MTMR10: variants seen among roughly 807,000 people sequenced by gnomAD.
MTMR10 encodes myotubularin related protein 10.
MTMR10 carries 56 observed loss-of-function variants against 88.1 expected under a neutral mutation model. The ratio of observed to expected loss-of-function variants is 0.64; its 90% CI spans 0.51 to 0.79. The LOEUF (loss-of-function observed/expected upper bound fraction) is 0.79. Ranked by LOEUF, MTMR10 falls within the 30% of genes least tolerant of loss-of-function variation. The pLI is 0.00. For missense variants in MTMR10, 883 were observed against 924.7 expected, an observed-to-expected ratio of 0.95 and a Z score of 0.58; for synonymous variants, 380 against 340.9, an observed-to-expected ratio of 1.11 and a Z score of -1.26.
chr15:30,984,607 T>C (rs1368348372), intron 2 of MTMR10, among the ~76,000 whole-genome samples: 2 of 152,098 alleles, frequency 1.3e-5, no homozygotes, highest in Non-Finnish European at 2.9e-5. Context: ...AGTGAGCTTG[T>C]AAAAAATAAA....
At chr15:30,987,971 T>C (rs1444478349) in intron 2 of MTMR10, among the ~76,000 whole-genome samples, 2 of 151,736 alleles carry the variant, frequency 1.3e-5, no homozygotes, top group African/African-American at 2.4e-5. Context: ...ACAGGTGATG[T>C]GGCCAGGTTT....
the MTMR10 span, among the ~76,000 whole-genome samples, chr15:30,932,798 C>T: frequency 4.5e-3 from 672 of 149,078 alleles, 5 homozygotes; most frequent in African/African-American, 0.015. Context: ...CTGCAACTTC[C>T]GCCTCCTGGG....
At position 30,954,904 on chromosome 15, in the gene MTMR10, C is replaced by G. The variant is rs761921668; in HGVS notation, c.936-11G>C. ...ATTGCATTACAAATCCTAATAAAGACAAAAATACTTTAGTCATTACTCATT... is the reference window on the plus strand; with the variant it reads ...ATTGCATTACAAATCCTAATAAAGAGAAAAATACTTTAGTCATTACTCATT... On this transcript the variant is annotated splice_polypyrimidine_tract_variant and intron_variant, in intron 9 of 15. Transcript: ENST00000435680. 1.2e-5 allele frequency: 19 copies of G among 1,533,846 alleles called. No individual in the cohort carries two copies. In the Admixed American group the frequency reaches 2.5e-4, roughly 20 times the overall value.
intron 7 of MTMR10, among the ~76,000 whole-genome samples, chr15:30,959,844 A>G (rs2063377458): frequency 6.6e-6 from 1 of 152,246 alleles, no homozygotes. Flanking sequence ...ATGTGCGTGA[A>G]CTAATGAGGA....
intron 15 of MTMR10, 116 bp from the exon 16 acceptor site, chr15:30,942,188 G>GT (rs1222315853): frequency 1.6e-6 from 2 of 1,282,576 alleles, no homozygotes; most frequent in East Asian, 4.6e-5. Flanking sequence ...CAGCCTCAAA[G>GT]AACATTTTCC....
chr15:30,925,353 G>T, the MTMR10 span: 1 of 1,476,472 alleles, frequency 6.8e-7, no homozygotes, highest in East Asian at 2.3e-5. Flanking sequence ...TTTTGGACCA[G>T]AAGCATCCTA....
chr15:30,976,686 T>C, intron 3 of MTMR10, 133 bp downstream of exon 3: 2 of 1,030,736 alleles, frequency 1.9e-6, no homozygotes, highest in Non-Finnish European at 2.7e-6. Flanking sequence ...TAAATCTTAA[T>C]ATAATTTATC....
At chr15:30,923,425 AG>A in the MTMR10 span, among the ~76,000 whole-genome samples, 1 of 152,176 alleles carries the variant, frequency 6.6e-6, no homozygotes, top group Non-Finnish European at 1.5e-5. Context: ...CAGTTCTGCT[AG>A]GGGGTAGACA....
chr15:30,970,524 G>GCTACA (rs2063525048), intron 5 of MTMR10, among the ~76,000 whole-genome samples: 1 of 152,048 alleles, frequency 6.6e-6, no homozygotes, highest in Non-Finnish European at 1.5e-5. Context: ...TCCAACAGTG[G>GCTACA]CTACACTAAT....
Position 30,974,475 on chromosome 15 carries a change from T to A in MTMR10, c.332-19A>T. ...TCGTTTACTAAAAAAGAAAAAAAAA[T>A]AGAGAAAATAAAATGCGTAACAGTT... On this transcript the variant is annotated intron_variant, in intron 4 of 15. Coordinates refer to ENST00000435680, the MANE Select transcript of MTMR10 (RefSeq NM_017762.3). 3 of 1,497,354 alleles carry A rather than the reference T, an allele frequency of 2.0e-6. No homozygotes were observed. The allele number at this position is 1,497,354 out of a possible 1,614,324, so 92.8% of individuals were successfully genotyped here. A position where few individuals can be genotyped will look rare whatever the true frequency, so the allele number is the denominator to read the frequency against.
intron 9 of MTMR10, among the ~76,000 whole-genome samples, chr15:30,958,024 A>AC (rs960728185): frequency 2.0e-5 from 3 of 151,720 alleles, no homozygotes; most frequent in Non-Finnish European, 2.9e-5. Flanking sequence ...ATCCAGGATG[A>AC]CCCCCCGGTT....
At chr15:30,970,199 G>A (rs2063520678) in intron 5 of MTMR10, among the ~76,000 whole-genome samples, 1 of 152,118 alleles carries the variant, frequency 6.6e-6, no homozygotes, top group African/African-American at 2.4e-5. Flanking sequence ...TACCTACAAT[G>A]TTGTAAGCCC....
the MTMR10 span, chr15:30,922,444 G>A: frequency 7.8e-7 from 1 of 1,287,772 alleles, no homozygotes; most frequent in Non-Finnish European, 1.1e-6. Context: ...AAATTTACAT[G>A]TAATTAGAAC....
chr15:30,922,126 G>C, the MTMR10 span: 2 of 1,376,242 alleles, frequency 1.5e-6, no homozygotes, highest in Non-Finnish European at 2.0e-6. Flanking sequence ...TTGTAGAATG[G>C]AAAGATACGC....
chr15:30,935,888 T>C (rs2062838520), downstream of MTMR10, among the ~76,000 whole-genome samples: 1 of 152,110 alleles, frequency 6.6e-6, no homozygotes, highest in African/African-American at 2.4e-5. Flanking sequence ...CTATATCCCC[T>C]GATTATACAG....
intron 2 of MTMR10, among the ~76,000 whole-genome samples, chr15:30,987,090 G>C (rs2030987470): frequency 6.6e-6 from 1 of 152,192 alleles, no homozygotes; most frequent in African/African-American, 2.4e-5. Context: ...GGAAGATAAA[G>C]AGAAAGCCTA....
chr15:30,953,591 C>T lies in MTMR10; in HGVS notation c.1107G>A (p.Leu369=). ...EETEEKWLSS[L]ENTRWLEYVR... ...CATATTCTAACCATCGAGTATTTTCCAGTGAAGATAACCATTTCTCTTCAG... is the reference window on the plus strand; with the variant it reads ...CATATTCTAACCATCGAGTATTTTCTAGTGAAGATAACCATTTCTCTTCAG... Residue 369 remains leucine, a synonymous_variant, in exon 11 of 16, where the codon CTG becomes CTA. Coordinates refer to ENST00000435680, the MANE Select transcript of MTMR10 (RefSeq NM_017762.3). 1 of 1,546,724 alleles carries T rather than the reference C, an allele frequency of 6.5e-7. No individual in the cohort carries two copies. Among genetic ancestry groups the T allele is most frequent in the Non-Finnish European group, 8.8e-7 (1 of 1,142,036 alleles).
At chr15:30,976,585 C>T (rs973547373) in intron 3 of MTMR10, among the ~76,000 whole-genome samples, 3 of 152,154 alleles carry the variant, frequency 2.0e-5, no homozygotes, top group Admixed American at 1.3e-4. Flanking sequence ...ATATAATGAA[C>T]GATCACAGAG....
At chr15:30,942,597 C>G (rs370263206) in intron 15 of MTMR10, 32 of 385,342 alleles carry the variant, frequency 8.3e-5, no homozygotes, top group East Asian at 5.9e-4. Flanking sequence ...GCATTCCCTG[C>G]CACAGTGGCG....
Sources: allele counts gnomAD v4.1 joint callset (sites outside exome capture counted in the v4.1 genomes callset), GRCh38; gene constraint gnomAD v4.1.1; transcripts MANE v1.5; gene names NCBI Gene and HGNC (gene_info 2026-07-23, HGNC 2026-07-21).